The following ZNF292 variants were observed in gnomAD, a reference collection of about 807,000 sequenced individuals.
The protein encoded by ZNF292 is zinc finger protein 292, also known as 16 zinc-finger domain protein.
Under a neutral mutation model 217.9 loss-of-function variants are expected in ZNF292, and 26 were observed. That is an observed-to-expected ratio of 0.12 (90% CI 0.09 to 0.17). ZNF292 has a LOEUF of 0.17. Ranked by LOEUF, ZNF292 falls within the 10% of genes least tolerant of loss-of-function variation. ZNF292 has a pLI of 1.00. For missense variants in ZNF292, 2,904 were observed against 3,175.2 expected (o/e 0.91, Z 2.05); for synonymous variants, 1,257 against 1,124.1 (o/e 1.12, Z -2.37).
chr6:87,171,245 T>G (rs914044530), intron 1 of ZNF292, among the ~76,000 whole-genome samples: 20 of 152,096 alleles, frequency 1.3e-4, no homozygotes, highest in African/African-American at 4.8e-4. Flanking sequence ...AACCTTTCCT[T>G]TGTCCAAAAT....
At chr6:87,220,912 T>C (rs766159657) in intron 4 of ZNF292, among the ~76,000 whole-genome samples, 2 of 152,138 alleles carry the variant, frequency 1.3e-5, no homozygotes, top group Admixed American at 6.6e-5. Context: ...TGTTACATGA[T>C]GGAGAGATTT....
chr6:87,162,737 A>G (rs561529457), intron 1 of ZNF292, among the ~76,000 whole-genome samples: 1 of 152,296 alleles, frequency 6.6e-6, no homozygotes, highest in East Asian at 1.9e-4. Context: ...CTGCAGCTGT[A>G]CTTCATAACA....
intron 1 of ZNF292, among the ~76,000 whole-genome samples, chr6:87,172,352 C>A (rs773266978): frequency 7.2e-5 from 11 of 152,056 alleles, no homozygotes; most frequent in Non-Finnish European, 1.0e-4. Context: ...CACAAATGGA[C>A]AAGTAACAAA....
At position 87,257,612 on chromosome 6, in the gene ZNF292, A is replaced by G. The variant is rs1193466163; in HGVS notation, c.3983A>G (p.Asn1328Ser). 1.9e-6 allele frequency: 3 copies of G among 1,607,620 alleles called. No homozygotes were observed. Among genetic ancestry groups the G allele is most frequent in the Admixed American group, 1.7e-5 (1 of 58,758 alleles). The change falls in exon 8 of 8, where the codon AAT becomes AGT. Residue 1328 changes from asparagine (N) to serine (S), a missense_variant. Physicochemically the swap from Asn to Ser is conservative, Grantham distance 46. Around this residue, in one of 15 missense-constraint regions of ZNF292, gnomAD observed 687 missense variants for 623.0 expected, o/e 1.10. Transcript: ENST00000369577. Reference sequence around the variant, plus strand: ...TTTCCTTCACAAGTGAATGTTGCAAATAACTTCAGTAGCACCAATGCCCAA... The same window carrying G: ...TTTCCTTCACAAGTGAATGTTGCAAGTAACTTCAGTAGCACCAATGCCCAA... ...AVFPSQVNVANNFSSTNAQQS... is the reference protein window; with the variant it reads ...AVFPSQVNVASNFSSTNAQQS...
At chr6:87,200,706 A>G (rs1195912667) in intron 1 of ZNF292, among the ~76,000 whole-genome samples, 2 of 152,192 alleles carry the variant, frequency 1.3e-5, no homozygotes, top group Non-Finnish European at 2.9e-5. Flanking sequence ...GAATGCTACA[A>G]AGAGAGTAGG....
intron 5 of ZNF292, among the ~76,000 whole-genome samples, chr6:87,236,115 G>A (rs747079915): frequency 6.6e-6 from 1 of 152,210 alleles, no homozygotes; most frequent in Non-Finnish European, 1.5e-5. Context: ...GAAGAGGTGT[G>A]CACCATGTGC....
In ZNF292 at chr6:87,238,826, G is replaced by C. The variant is rs377639361; in HGVS notation, c.742-4649G>C. On this transcript the variant is annotated intron_variant, in intron 5 of 7. Transcript: ENST00000369577. ...TGGTTTTCCTAGGCAGAGGACCCTG[G>C]GGCCTTCCGCAGTGTTTGTGTCCCT... is the stretch of plus-strand genomic sequence containing the variant. Among the ~76,000 whole-genome samples, 120 of 151,402 alleles carry C rather than the reference G, an allele frequency of 7.9e-4. 1 individual carries two copies. The East Asian group carries it at 0.021, about 26-fold the overall frequency.
intron 4 of ZNF292, among the ~76,000 whole-genome samples, chr6:87,229,853 TTAAAG>T (rs1773557486): frequency 6.6e-6 from 1 of 152,152 alleles, no homozygotes; most frequent in African/African-American, 2.4e-5. Context: ...AGTGTGTGCT[TTAAAG>T]TAATACCAGA....
At position 87,233,631 on chromosome 6, in the gene ZNF292, T is replaced by C. The variant is rs114572427; in HGVS notation, c.741+104T>C. On this transcript the variant is annotated intron_variant, in intron 5 of 7. Coordinates refer to ENST00000369577, the MANE Select transcript of ZNF292 (RefSeq NM_015021.3). Reference sequence around the variant, plus strand: ...TTTCTCTTAGATAGCGAAGAGATCATTGTCAATCTTACATTTTTGGTATGT... The same window carrying C: ...TTTCTCTTAGATAGCGAAGAGATCACTGTCAATCTTACATTTTTGGTATGT... The C allele has an allele frequency of 6.1e-4, 900 of 1,480,744 alleles. 2 individuals are homozygous for C. In the African/African-American group the frequency reaches 0.012, roughly 19 times the overall value. 91.7% of individuals were successfully genotyped at this position (1,480,744 alleles called of 1,614,324 possible).
Position 87,196,027 on chromosome 6 carries a change from C to CAA in ZNF292, c.169-19864_169-19863dup, listed in dbSNP as rs147308020. On this transcript the variant is annotated intron_variant, in intron 1 of 7. Coordinates refer to ENST00000369577, the MANE Select transcript of ZNF292 (RefSeq NM_015021.3). ...TGGGCAGCAGAGTGAGACTCCGTCT[C>CAA]AAAAAAAAAAAAACAAAAAGAAAAA... Among the ~76,000 whole-genome samples, 726 of 95,734 alleles carry CAA rather than the reference C, an allele frequency of 7.6e-3. 2 individuals are homozygous for CAA. Among genetic ancestry groups the CAA allele is most frequent in the African/African-American group, 0.024 (647 of 27,044 alleles). The allele number at this position is 95,734 out of a possible 152,430, so 62.8% of individuals were successfully genotyped here. A position where few individuals can be genotyped will look rare whatever the true frequency, so the allele number is the denominator to read the frequency against.
intron 5 of ZNF292, among the ~76,000 whole-genome samples, chr6:87,235,491 T>A (rs1046153259): frequency 5.3e-5 from 8 of 151,880 alleles, no homozygotes; most frequent in Middle Eastern, 3.2e-3. Flanking sequence ...GTTAGGAAAC[T>A]GACTATCTAA....
At chr6:87,182,722 G>A (rs373295828) in intron 1 of ZNF292, among the ~76,000 whole-genome samples, 1 of 152,154 alleles carries the variant, frequency 6.6e-6, no homozygotes, top group Non-Finnish European at 1.5e-5. Context: ...TCATATTATT[G>A]ATTCCATAGC....
chr6:87,192,419 C>CT (rs1771844269), intron 1 of ZNF292, among the ~76,000 whole-genome samples: 2 of 151,480 alleles, frequency 1.3e-5, no homozygotes, highest in South Asian at 4.2e-4. Flanking sequence ...TCTTAGAATT[C>CT]CATCATGGAT....
chr6:87,181,858 A>C (rs1324992891), intron 1 of ZNF292, among the ~76,000 whole-genome samples: 1 of 151,300 alleles, frequency 6.6e-6, no homozygotes, highest in Non-Finnish European at 1.5e-5. Context: ...ATTTTTTTTT[A>C]TTTTTAGTAG....
chr6:87,206,530 C>T (rs1315371458), intron 1 of ZNF292, among the ~76,000 whole-genome samples: 1 of 152,100 alleles, frequency 6.6e-6, no homozygotes, highest in African/African-American at 2.4e-5. Flanking sequence ...AAGCGTTTAT[C>T]TCCTAAGGCC....
Position 87,258,052 on chromosome 6 carries a change from G to A in ZNF292, c.4423G>A (p.Val1475Met). 6.2e-7 allele frequency: 1 copy of A among 1,613,810 alleles called. No individual in the cohort carries two copies. The highest frequency in any genetic ancestry group is 2.2e-5 in the East Asian group (1 of 44,878). Residue 1475 changes from valine to methionine, a missense_variant, in exon 8 of 8, where the codon GTG becomes ATG. Physicochemically the swap from Val to Met is conservative, Grantham distance 21. This residue lies in a region of ZNF292 where 622 missense variants were observed against 573.1 expected (regional missense o/e 1.09). Transcript: ENST00000369577. ...FLPNTFPRSG[V>M]TNFNTSVSQE... ...ACCAAATACATTTCCTCGATCTGGT[G>A]TGACTAACTTTAATACCAGTGTCAG... is the stretch of plus-strand genomic sequence containing the variant.
At chr6:87,218,321 T>C (rs1223314722) in intron 3 of ZNF292, among the ~76,000 whole-genome samples, 1 of 152,088 alleles carries the variant, frequency 6.6e-6, no homozygotes, top group East Asian at 1.9e-4. Flanking sequence ...ATTGCTTCCT[T>C]GAGGAATAAC....
intron 4 of ZNF292, among the ~76,000 whole-genome samples, chr6:87,222,328 G>T (rs1486084802): frequency 1.3e-5 from 2 of 152,122 alleles, no homozygotes; most frequent in South Asian, 2.1e-4. Context: ...CATATCCGTT[G>T]ATTATTATTG....
intron 1 of ZNF292, among the ~76,000 whole-genome samples, chr6:87,156,264 C>T (rs1449709022): frequency 4.6e-5 from 7 of 152,174 alleles, no homozygotes; most frequent in Non-Finnish European, 1.5e-5. Context: ...TGTCTCCGGG[C>T]CTTTGTTGTT....
Sources: allele counts gnomAD v4.1 joint callset (sites outside exome capture counted in the v4.1 genomes callset), GRCh38; gene constraint gnomAD v4.1.1; regional missense constraint gnomAD v4.1.1; transcripts MANE v1.5; gene names NCBI Gene and HGNC (gene_info 2026-07-23, HGNC 2026-07-21).